Variants in CTNNA3 observed in about 807,000 individuals in gnomAD.
CTNNA3 encodes the protein catenin alpha-3.
A neutral mutation model predicts 95.7 loss-of-function variants in CTNNA3; 76 were observed. The observed-to-expected ratio is 0.79, with a 90% CI of 0.66 to 0.96. CTNNA3 has a LOEUF of 0.96. Ranked by LOEUF, CTNNA3 falls within the 40% of genes least tolerant of loss-of-function variation. The probability of loss-of-function intolerance (pLI) is 0.00; values close to 1 mark genes in which losing one functional copy is unlikely to be tolerated. For missense variants in CTNNA3, 1,191 were observed against 1,089.8 expected (o/e 1.09, Z -1.31); for synonymous variants, 431 against 374.4 (o/e 1.15, Z -1.74).
chr10:66,191,638 T>C (rs1028352127), intron 13 of CTNNA3, among the ~76,000 whole-genome samples: 1 of 150,094 alleles, frequency 6.7e-6, no homozygotes, highest in Non-Finnish European at 1.5e-5. Context: ...AAAACTCCTG[T>C]AGCACCCATG....
intron 14 of CTNNA3, chr10:66,098,904 T>C (rs2081505189): frequency 6.6e-6 from 1 of 152,228 alleles, no homozygotes; most frequent in Non-Finnish European, 1.5e-5. Context: ...ATTATTGGTC[T>C]TTTAATATTT....
At chr10:67,167,688 C>T (rs1861836531) in intron 7 of CTNNA3, among the ~76,000 whole-genome samples, 1 of 152,086 alleles carries the variant, frequency 6.6e-6, no homozygotes, top group African/African-American at 2.4e-5. Flanking sequence ...CATTCCTTTC[C>T]AATATACAAG....
At chr10:67,470,667 A>C (rs979258631) in intron 5 of CTNNA3, among the ~76,000 whole-genome samples, 8 of 151,882 alleles carry the variant, frequency 5.3e-5, no homozygotes, top group African/African-American at 1.9e-4. Context: ...ACACACACAC[A>C]CCGCAGTGAG....
chr10:66,778,788 CA>C (rs1265470179), intron 7 of CTNNA3, among the ~76,000 whole-genome samples: 1 of 152,018 alleles, frequency 6.6e-6, no homozygotes, highest in Non-Finnish European at 1.5e-5. Flanking sequence ...CCAGCCTGGC[CA>C]ACATGGTGAA....
chr10:66,463,047 T>A (rs2093540127), intron 11 of CTNNA3, among the ~76,000 whole-genome samples: 1 of 152,196 alleles, frequency 6.6e-6, no homozygotes, highest in South Asian at 2.1e-4. Flanking sequence ...AGCTTCCATG[T>A]TCATCTTCTT....
At chr10:67,287,701 T>C (rs1839665191) in intron 5 of CTNNA3, among the ~76,000 whole-genome samples, 1 of 152,306 alleles carries the variant, frequency 6.6e-6, no homozygotes, top group South Asian at 2.1e-4. Context: ...TTCTAACATA[T>C]ATTCTTGGTC....
intron 17 of CTNNA3, among the ~76,000 whole-genome samples, chr10:65,965,085 C>A (rs2077928070): frequency 6.6e-6 from 1 of 152,282 alleles, no homozygotes; most frequent in Non-Finnish European, 1.5e-5. Context: ...ATCAAAGACA[C>A]TATTTTTCCC....
intron 13 of CTNNA3, among the ~76,000 whole-genome samples, chr10:66,195,478 T>C (rs151252734): frequency 4.8e-4 from 66 of 136,360 alleles, no homozygotes; most frequent in African/African-American, 1.6e-3. Context: ...TGTATTGTTA[T>C]GATCAAATAG....
intron 15 of CTNNA3, among the ~76,000 whole-genome samples, chr10:66,058,480 A>G (rs747363843): frequency 4.6e-5 from 7 of 152,124 alleles, no homozygotes; most frequent in Non-Finnish European, 8.8e-5. Flanking sequence ...TTGATGATGA[A>G]TGCAACATTA....
At chr10:67,672,901 T>C (rs1030192595) in intron 1 of CTNNA3, among the ~76,000 whole-genome samples, 4 of 152,128 alleles carry the variant, frequency 2.6e-5, no homozygotes, top group African/African-American at 9.7e-5. Context: ...GTGAAGAAAG[T>C]CATTGGTAGC....
chr10:66,432,118 A>G lies in CTNNA3; in HGVS notation c.1532-52766T>C, dbSNP rs562382575. ...ATATTGAGAAATACTTTATTGAAGTATGGTATTTAATAATAAAAAACAAAT... is the reference window on the plus strand; with the variant it reads ...ATATTGAGAAATACTTTATTGAAGTGTGGTATTTAATAATAAAAAACAAAT... On this transcript the variant is annotated intron_variant, in intron 11 of 17. Transcript: ENST00000433211. 4.4e-3 allele frequency among the ~76,000 whole-genome samples: 675 copies of G among 152,222 alleles called. 1 individual carries two copies. The highest frequency in any genetic ancestry group is 6.8e-3 in the Non-Finnish European group (463 of 68,000).
intron 5 of CTNNA3, among the ~76,000 whole-genome samples, chr10:67,252,670 C>T (rs1312726937): frequency 3.9e-5 from 6 of 152,098 alleles, no homozygotes; most frequent in Non-Finnish European, 8.8e-5. Context: ...TGTGACATAC[C>T]GTTAGGCTAC....
intron 12 of CTNNA3, among the ~76,000 whole-genome samples, chr10:66,367,210 C>T (rs1386140493): frequency 1.3e-5 from 2 of 152,130 alleles, no homozygotes; most frequent in African/African-American, 4.8e-5. Flanking sequence ...TCAATCTACA[C>T]ACCCCTAAAC....
At chr10:67,307,921 CA>C (rs932694735) in intron 5 of CTNNA3, among the ~76,000 whole-genome samples, 23 of 152,150 alleles carry the variant, frequency 1.5e-4, no homozygotes, top group African/African-American at 5.3e-4. Context: ...AATTAACACA[CA>C]AAAAGAAAGA....
chr10:67,425,938 G>C (rs1845908241), intron 5 of CTNNA3, among the ~76,000 whole-genome samples: 1 of 152,080 alleles, frequency 6.6e-6, no homozygotes, highest in South Asian at 2.1e-4. Flanking sequence ...GAAGGGCCTT[G>C]AAGACTAGAG....
At chr10:66,810,366 T>TA (rs1841825521) in intron 7 of CTNNA3, among the ~76,000 whole-genome samples, 1 of 152,134 alleles carries the variant, frequency 6.6e-6, no homozygotes, top group African/African-American at 2.4e-5. Context: ...CCTAGCTTTC[T>TA]GGAAGATAGC....
At chr10:66,350,945 T>C (rs2092562483) in intron 12 of CTNNA3, among the ~76,000 whole-genome samples, 1 of 152,022 alleles carries the variant, frequency 6.6e-6, no homozygotes, top group Non-Finnish European at 1.5e-5. Context: ...ATAACAATCT[T>C]CTGATAACTT....
chr10:66,708,077 A>C (rs993055507), intron 9 of CTNNA3, among the ~76,000 whole-genome samples: 2 of 152,100 alleles, frequency 1.3e-5, no homozygotes, highest in Admixed American at 6.6e-5. Context: ...CTTTATAGAA[A>C]TGGGAAAATC....
chr10:67,448,177 T>C (rs1589300005), intron 5 of CTNNA3, among the ~76,000 whole-genome samples: 1 of 152,128 alleles, frequency 6.6e-6, no homozygotes, highest in African/African-American at 2.4e-5. Flanking sequence ...ACCTCACTAA[T>C]CAAATAATGA....
Sources: allele counts gnomAD v4.1 joint callset (sites outside exome capture counted in the v4.1 genomes callset), GRCh38; gene constraint gnomAD v4.1.1; transcripts MANE v1.5; gene names NCBI Gene and HGNC (gene_info 2026-07-23, HGNC 2026-07-21).